Variants in CPPED1 observed in about 807,000 individuals in gnomAD.
CPPED1 encodes calcineurin like phosphoesterase domain containing 1.
Under a neutral mutation model 28.0 loss-of-function variants are expected in CPPED1, and 28 were observed. The observed-to-expected ratio is 1.00, with a 90% CI of 0.74 to 1.37. The LOEUF (loss-of-function observed/expected upper bound fraction) is 1.37. Ranked by LOEUF, CPPED1 falls within the 40% of genes most tolerant of loss-of-function variation. CPPED1 has a pLI of 0.00. For synonymous variants in CPPED1, 198 were observed against 180.2 expected (o/e 1.10, Z -0.79); for missense variants, 504 against 416.5 (o/e 1.21, Z -1.83).
intron 3 of CPPED1, among the ~76,000 whole-genome samples, chr16:12,690,662 C>CAAAA (rs748989286): frequency 2.1e-5 from 2 of 94,678 alleles, no homozygotes; most frequent in African/African-American, 3.5e-5. Flanking sequence ...TAGTTTCTAC[C>CAAAA]AAAAAAAAAA....
intron 2 of CPPED1, among the ~76,000 whole-genome samples, chr16:12,707,915 G>C (rs2080059987): frequency 6.6e-6 from 1 of 152,184 alleles, no homozygotes; most frequent in African/African-American, 2.4e-5. Context: ...GGGAGGCCTA[G>C]GCGGGCAGAC....
Position 12,704,905 on chromosome 16 carries a change from G to A in CPPED1, c.434C>T (p.Thr145Ile), listed in dbSNP as rs1184714422. Reference protein sequence around the residue: ...TAETVEEFCRTWGDDYFSFWV... With the variant: ...TAETVEEFCRIWGDDYFSFWV... ...GAAGCTGAAGTAGTCATCTCCCCAA[G>A]TCCGGCAGAACTCCTCGACGGTCTC... Residue 145 changes from threonine (T) to isoleucine (I), a missense_variant, in exon 3 of 4, where the codon ACT becomes ATT. Coordinates refer to ENST00000381774, the MANE Select transcript of CPPED1 (RefSeq NM_018340.3). 7 of 1,614,030 alleles carry A rather than the reference G, an allele frequency of 4.3e-6. No homozygotes were observed. The highest frequency in any genetic ancestry group is 5.9e-6 in the Non-Finnish European group (7 of 1,180,038).
At chr16:12,788,712 T>C (rs965194529) in intron 1 of CPPED1, among the ~76,000 whole-genome samples, 1 of 152,152 alleles carries the variant, frequency 6.6e-6, no homozygotes, top group Non-Finnish European at 1.5e-5. Flanking sequence ...GTGAGAGCCA[T>C]GATGAAGACA....
rs145535937 is a variant in CPPED1, at chr16:12,778,399, C to T, written c.289+2786G>A. 1.5e-3 allele frequency among the ~76,000 whole-genome samples: 230 copies of T among 151,926 alleles called. 4 individuals carry two copies. The East Asian group carries it at 0.042, about 28-fold the overall frequency. On this transcript the variant is annotated intron_variant, in intron 2 of 3. Coordinates refer to ENST00000381774, the MANE Select transcript of CPPED1 (RefSeq NM_018340.3). ...CAAGCGATTCTCCTGCCTCAGCCCC[C>T]CAGAGTAGCTGGGATCACAGGTGTA...
intron 3 of CPPED1, among the ~76,000 whole-genome samples, chr16:12,699,100 C>T (rs771590638): frequency 6.6e-6 from 1 of 152,140 alleles, no homozygotes; most frequent in Non-Finnish European, 1.5e-5. Context: ...GAGAAAATGT[C>T]TAGGTTCAAC....
At chr16:12,674,759 T>C (rs1428349976) in intron 3 of CPPED1, among the ~76,000 whole-genome samples, 1 of 152,128 alleles carries the variant, frequency 6.6e-6, no homozygotes, top group Admixed American at 6.5e-5. Context: ...GAACTCAGGG[T>C]ACTCAGACAT....
intron 1 of CPPED1, among the ~76,000 whole-genome samples, chr16:12,787,635 G>A (rs1330621494): frequency 4.0e-5 from 6 of 151,722 alleles, no homozygotes; most frequent in African/African-American, 4.8e-5. Context: ...TTGAACTCCT[G>A]ACCTCGTGAT....
intron 3 of CPPED1, among the ~76,000 whole-genome samples, chr16:12,681,170 C>T (rs143825028): frequency 5.0e-4 from 70 of 139,274 alleles, no homozygotes; most frequent in Non-Finnish European, 8.6e-4. Flanking sequence ...TTTCAATGTG[C>T]CCCCCAACGT....
At chr16:12,698,034 T>C (rs1174049277) in intron 3 of CPPED1, among the ~76,000 whole-genome samples, 1 of 152,072 alleles carries the variant, frequency 6.6e-6, no homozygotes. Context: ...TGCTTGAACC[T>C]GGGAGGCGGA....
intron 3 of CPPED1, among the ~76,000 whole-genome samples, chr16:12,696,438 CTTTTTT>C (rs1180336228): frequency 1.7e-5 from 2 of 120,722 alleles, no homozygotes; most frequent in South Asian, 2.6e-4. Flanking sequence ...AAGTGACTTT[CTTTTTT>C]TTTTTTTTTT....
chr16:12,719,100 A>ATT (rs2080123841), intron 2 of CPPED1, among the ~76,000 whole-genome samples: 1 of 152,042 alleles, frequency 6.6e-6, no homozygotes, highest in Admixed American at 6.5e-5. Context: ...CCCTTATAAA[A>ATT]CCATCAGATC....
At chr16:12,673,409 A>G (rs2079862489) in intron 3 of CPPED1, among the ~76,000 whole-genome samples, 1 of 152,242 alleles carries the variant, frequency 6.6e-6, no homozygotes, top group Non-Finnish European at 1.5e-5. Flanking sequence ...TTCATGCCTA[A>G]CTCATAGTTG....
rs774792341 is a variant in CPPED1 at position 12,682,114 on chromosome 16, A to T, written c.716-16999T>A. Among the ~76,000 whole-genome samples the T allele has an allele frequency of 3.3e-5, 5 of 152,062 alleles. No individual in the cohort carries two copies. The highest frequency in any genetic ancestry group is 9.7e-5 in the African/African-American group (4 of 41,400). On this transcript the variant is annotated intron_variant, in intron 3 of 3. Transcript: ENST00000381774. This position sits in a 1 kb window ranked among gnomAD's most constrained non-coding sequence, Gnocchi z 6.1. ...AGTGGCGCGATCTTGGCTCACTGCA[A>T]CTTGCGTATCCTGGGTTCAAGCAGT...
intron 3 of CPPED1, 109 bp from the exon 4 acceptor site, chr16:12,665,224 C>A: frequency 1.1e-6 from 1 of 909,580 alleles, no homozygotes; most frequent in Non-Finnish European, 1.6e-6. Context: ...TATTATTATA[C>A]CATCATGTAG....
chr16:12,715,303 G>A (rs1325586026), intron 2 of CPPED1, among the ~76,000 whole-genome samples: 1 of 152,038 alleles, frequency 6.6e-6, no homozygotes, highest in East Asian at 1.9e-4. Flanking sequence ...TAAAATTTAG[G>A]ATCAGCTTGT....
chr16:12,684,499 G>A (rs543978627), intron 3 of CPPED1, among the ~76,000 whole-genome samples: 11 of 152,294 alleles, frequency 7.2e-5, no homozygotes, highest in Non-Finnish European at 1.2e-4. Context: ...AGTACAGGAC[G>A]AGCTATTTTG....
intron 2 of CPPED1, among the ~76,000 whole-genome samples, chr16:12,726,023 C>T (rs895812467): frequency 6.6e-6 from 1 of 151,938 alleles, no homozygotes; most frequent in African/African-American, 2.4e-5. Flanking sequence ...ATAGGGAGAT[C>T]CCATCTCTAA....
chr16:12,791,628 C>T (rs2080597223), intron 1 of CPPED1, among the ~76,000 whole-genome samples: 1 of 152,178 alleles, frequency 6.6e-6, no homozygotes. Context: ...ATGGTTCCCA[C>T]CTGGGAGAAG....
At chr16:12,766,774 A>G (rs2080442285) in intron 2 of CPPED1, among the ~76,000 whole-genome samples, 1 of 152,172 alleles carries the variant, frequency 6.6e-6, no homozygotes, top group African/African-American at 2.4e-5. Context: ...GTCTCAAATA[A>G]AAAGAAAAGC....
Sources: allele counts gnomAD v4.1 joint callset (sites outside exome capture counted in the v4.1 genomes callset), GRCh38; gene constraint gnomAD v4.1.1; non-coding constraint Gnocchi (gnomAD v3.1); transcripts MANE v1.5; gene names NCBI Gene and HGNC (gene_info 2026-07-23, HGNC 2026-07-21).